The following EPHB2 variants were observed in gnomAD, a reference collection of about 807,000 sequenced individuals.
EPHB2 encodes the protein EPH receptor B2.
EPHB2 carries 18 observed loss-of-function variants against 96.4 expected under a neutral mutation model. That is an observed-to-expected ratio of 0.19 (90% CI 0.13 to 0.28). The LOEUF (loss-of-function observed/expected upper bound fraction) is 0.28, where lower values mean the gene tolerates loss of function less well. Ranked by LOEUF, EPHB2 falls within the 10% of genes least tolerant of loss-of-function variation. The pLI, the probability that EPHB2 is intolerant of heterozygous loss-of-function variation, is 1.00. For synonymous variants in EPHB2, 506 were observed against 534.1 expected (o/e 0.95, Z 0.72); for missense variants, 989 against 1,355.4 (o/e 0.73, Z 4.25).
intron 3 of EPHB2, among the ~76,000 whole-genome samples, chr1:22,804,272 G>A (rs1644892522): frequency 6.6e-6 from 1 of 151,930 alleles, no homozygotes; most frequent in Non-Finnish European, 1.5e-5. Context: ...GGTGCTTAGT[G>A]GGTGGGGGAT....
intron 3 of EPHB2, among the ~76,000 whole-genome samples, chr1:22,796,481 G>C (rs1042691072): frequency 6.6e-6 from 1 of 152,226 alleles, no homozygotes; most frequent in Non-Finnish European, 1.5e-5. Flanking sequence ...TGAGACAACA[G>C]GCCAAGGAGA....
Position 22,863,060 on chromosome 1 carries a change from G to T in EPHB2, c.835G>T (p.Ala279Ser), listed in dbSNP as rs35882952. 1,107 of 1,614,160 alleles carry T rather than the reference G, an allele frequency of 6.9e-4. 3 individuals are homozygous for T. The African/African-American group carries it at 0.013, about 19-fold the overall frequency. The change falls in exon 4 of 16, where the codon GCC (alanine) becomes TCC (serine). Residue 279 changes from alanine (A) to serine (S), a missense_variant. Transcript: ENST00000374630. Reference sequence around the variant, plus strand: ...AGGTTGTCCATCTGGGACTTTCAAGGCCAACCAAGGGGATGAGGCCTGTAC... The same window carrying T: ...AGGTTGTCCATCTGGGACTTTCAAGTCCAACCAAGGGGATGAGGCCTGTAC... ...CRGCPSGTFK[A>S]NQGDEACTHC...
intron 3 of EPHB2, among the ~76,000 whole-genome samples, chr1:22,820,547 C>T (rs1645139006): frequency 6.6e-6 from 1 of 151,952 alleles, no homozygotes; most frequent in Non-Finnish European, 1.5e-5. Context: ...CCTATGGTCC[C>T]AACTACTCAG....
chr1:22,773,119 G>A (rs970077014), intron 1 of EPHB2, among the ~76,000 whole-genome samples: 6 of 152,138 alleles, frequency 3.9e-5, no homozygotes, highest in African/African-American at 1.4e-4. Flanking sequence ...AAAAACCTTT[G>A]GCTCCCAATG....
chr1:22,787,643 G>T (rs996999570), intron 3 of EPHB2, among the ~76,000 whole-genome samples: 1 of 152,144 alleles, frequency 6.6e-6, no homozygotes, highest in Non-Finnish European at 1.5e-5. Context: ...TGTAGTTCCA[G>T]CTACTTAGGA....
At position 22,909,030 on chromosome 1, in the gene EPHB2, G is replaced by T. The variant is rs1341243574; in HGVS notation, c.2361G>T (p.Lys787Asn). The change falls in exon 13 of 16, where the codon AAG becomes AAT. Residue 787 changes from lysine to asparagine, a missense_variant. Physicochemically the swap from Lys to Asn is moderately conservative, Grantham distance 94 (BLOSUM62 0). Coordinates refer to ENST00000374630, the MANE Select transcript of EPHB2 (RefSeq NM_017449.5). ...CTCTTTCTGTCTCCCAGGGCGGAAA[G>T]ATCCCCATCCGCTGGACAGCCCCGG... ...DPTYTSALGG[K>N]IPIRWTAPEA... The T allele has an allele frequency of 6.2e-7, 1 of 1,614,030 alleles. No homozygotes were observed. Among genetic ancestry groups the T allele is most frequent in the Non-Finnish European group, 8.5e-7 (1 of 1,180,018 alleles).
intron 6 of EPHB2, among the ~76,000 whole-genome samples, chr1:22,888,795 G>T (rs148340505): frequency 3.5e-5 from 2 of 57,418 alleles, no homozygotes; most frequent in Non-Finnish European, 1.2e-4. Context: ...ATAGAAAACA[G>T]GGGCTCAGGG....
At position 22,865,157 on chromosome 1, in the gene EPHB2, C is replaced by G. The variant is rs752527403; in HGVS notation, c.1248C>G (p.Asp416Glu). The G allele has an allele frequency of 2.3e-5, 37 of 1,614,218 alleles. No homozygotes were observed. The highest frequency in any genetic ancestry group is 3.1e-5 in the Non-Finnish European group (36 of 1,180,052). The change falls in exon 5 of 16, where the codon GAC becomes GAG. Residue 416 changes from aspartate to glutamate, a missense_variant. Coordinates refer to ENST00000374630, the MANE Select transcript of EPHB2 (RefSeq NM_017449.5). ...TCCAGGCTGTGAACGGCGTTACTGA[C>G]CAGAGCCCCTTCTCGCCTCAGTTCG... ...FEIQAVNGVTDQSPFSPQFAS... is the reference protein window; with the variant it reads ...FEIQAVNGVTEQSPFSPQFAS...
rs1330144108 is a variant in EPHB2, at chr1:22,733,239, G to A, written c.61+22196G>A. Among the ~76,000 whole-genome samples, 2 of 152,064 alleles carry A rather than the reference G, an allele frequency of 1.3e-5. No homozygotes were observed. On this transcript the variant is annotated intron_variant, in intron 1 of 15. Transcript: ENST00000374630. The surrounding 1 kb of genome is among the most constrained non-coding windows in gnomAD (Gnocchi z 4.6). ...GATTTTTGTATTTTTAGTAGAGACG[G>A]GGTTTCACCGTGTTGGCCAGGCTGG... is the stretch of plus-strand genomic sequence containing the variant.
At chr1:22,744,763 G>A (rs1643948112) in intron 1 of EPHB2, among the ~76,000 whole-genome samples, 2 of 151,532 alleles carry the variant, frequency 1.3e-5, no homozygotes, top group African/African-American at 2.4e-5. Context: ...GGCAGAGACA[G>A]GAGGATCGCT....
intron 3 of EPHB2, among the ~76,000 whole-genome samples, chr1:22,856,453 A>C (rs994148803): frequency 2.0e-5 from 3 of 152,078 alleles, no homozygotes; most frequent in Non-Finnish European, 2.9e-5. Flanking sequence ...CTGAGACCTG[A>C]GTTTGAGGAC....
At chr1:22,876,292 C>T (rs1049381878) in intron 5 of EPHB2, among the ~76,000 whole-genome samples, 3 of 152,126 alleles carry the variant, frequency 2.0e-5, no homozygotes. Flanking sequence ...CAAGCCCACC[C>T]ACCTCTTGCA....
Position 22,858,968 on chromosome 1 carries a change from T to C in EPHB2, c.812-4069T>C, listed in dbSNP as rs1349860340. On this transcript the variant is annotated intron_variant, in intron 3 of 15. Transcript: ENST00000374630. This position sits in a 1 kb window ranked among gnomAD's most constrained non-coding sequence, Gnocchi z 7.7. ...CACATTCATAAGCAAGTAATTAAAA[T>C]AGGCACTGTATACAAAAAAATTAGC... Among the ~76,000 whole-genome samples the C allele has an allele frequency of 1.3e-5, 2 of 152,112 alleles. No individual in the cohort carries two copies. Among genetic ancestry groups the C allele is most frequent in the East Asian group, 3.9e-4 (2 of 5,190 alleles).
chr1:22,901,254 G>A (rs890502883), intron 9 of EPHB2, among the ~76,000 whole-genome samples: 8 of 152,120 alleles, frequency 5.3e-5, no homozygotes, highest in South Asian at 2.1e-4. Context: ...AGATACTCTC[G>A]TTTAATCTTG....
At chr1:22,769,729 G>C (rs1644352834) in intron 1 of EPHB2, among the ~76,000 whole-genome samples, 1 of 152,204 alleles carries the variant, frequency 6.6e-6, no homozygotes. Context: ...TACTCAGCAT[G>C]GGCCTGACAC....
At chr1:22,891,775 G>C (rs535392791) in intron 6 of EPHB2, among the ~76,000 whole-genome samples, 1 of 144,020 alleles carries the variant, frequency 6.9e-6, no homozygotes, top group East Asian at 2.0e-4. Flanking sequence ...CCATGCAAGA[G>C]TCTGGTTTCT....
At position 22,784,422 on chromosome 1, in the gene EPHB2, A is replaced by G; in HGVS notation, c.157A>G (p.Met53Val). Residue 53 changes from methionine (M) to valine (V), a missense_variant, in exon 3 of 16, where the codon ATG becomes GTG. Physicochemically the swap from Met to Val is conservative, Grantham distance 21 (BLOSUM62 1). Transcript: ENST00000374630. This position sits in a 1 kb window ranked among gnomAD's most constrained non-coding sequence, Gnocchi z 5.1. ...AGAGGTGAGTGGCTACGATGAGAAC[A>G]TGAACACGATCCGCACGTACCAGGT... is the stretch of plus-strand genomic sequence containing the variant. ...WEEVSGYDEN[M>V]NTIRTYQVCN... 6.2e-7 allele frequency: 1 copy of G among 1,614,208 alleles called. No individual in the cohort carries two copies. Among genetic ancestry groups the G allele is most frequent in the Non-Finnish European group, 8.5e-7 (1 of 1,180,050 alleles).
At chr1:22,796,240 G>A (rs958503094) in intron 3 of EPHB2, among the ~76,000 whole-genome samples, 2 of 152,112 alleles carry the variant, frequency 1.3e-5, no homozygotes, top group African/African-American at 4.8e-5. Context: ...ACGACGGGGA[G>A]AAACAAATCA....
chr1:22,755,509 T>G (rs4655100), intron 1 of EPHB2, among the ~76,000 whole-genome samples: 140,912 of 152,136 alleles, frequency 0.93, 66,216 homozygotes, highest in East Asian at 1. Flanking sequence ...TGGCCCATGC[T>G]CCCAGGGTGA....
Sources: gnomAD v4.1 joint callset for allele counts (sites outside exome capture counted in the v4.1 genomes callset) on GRCh38, gnomAD v4.1.1 for gene constraint, Gnocchi (gnomAD v3.1) non-coding constraint, MANE v1.5 for transcripts, NCBI Gene and HGNC (gene_info 2026-07-23, HGNC 2026-07-21) for gene names.